Variants in SH3D19 observed in about 807,000 individuals in gnomAD.
The protein encoded by SH3D19 is SH3 domain-containing protein 19.
A neutral mutation model predicts 112.1 loss-of-function variants in SH3D19; 58 were observed. The observed-to-expected ratio is 0.52, with a 90% confidence interval of 0.42 to 0.64. The LOEUF (loss-of-function observed/expected upper bound fraction) is 0.64, where lower values mean the gene tolerates loss of function less well. Among genes scored for constraint, SH3D19 ranks in the 30% least tolerant of loss-of-function variants. The pLI is 0.00. For missense variants in SH3D19, 1,090 were observed against 1,263.4 expected, an observed-to-expected ratio of 0.86 and a Z score of 2.08; for synonymous variants, 391 against 448.5, an observed-to-expected ratio of 0.87 and a Z score of 1.62.
chr4:151,146,456 T>G (rs1463584673), intron 11 of SH3D19, among the ~76,000 whole-genome samples: 1 of 151,750 alleles, frequency 6.6e-6, no homozygotes, highest in Non-Finnish European at 1.5e-5. Context: ...CTGGCCTCCT[T>G]ATCATTTTTA....
Position 151,120,608 on chromosome 4 carries a change from G to C in SH3D19, c.*1483C>G, listed in dbSNP as rs1299054572. On this transcript the variant is annotated 3_prime_UTR_variant, in exon 20 of 20. Transcript: ENST00000604030. ...TTTATACTCTCTTCTTTACCAAAAC[G>C]TATTAGAAGTCCCCATAGTCCAAAA... 1.3e-5 allele frequency: 2 copies of C among 152,080 alleles called. No homozygotes were observed. Among genetic ancestry groups the C allele is most frequent in the Admixed American group, 6.6e-5 (1 of 15,260 alleles). 9.4% of individuals were successfully genotyped at this position (152,080 alleles called of 1,614,324 possible). A position where few individuals can be genotyped will look rare whatever the true frequency, so the allele number is the denominator to read the frequency against.
intron 1 of SH3D19, among the ~76,000 whole-genome samples, chr4:151,302,983 T>C (rs1199896264): frequency 1.3e-5 from 2 of 152,148 alleles, no homozygotes; most frequent in Non-Finnish European, 2.9e-5. Context: ...AACCTGCATG[T>C]TGTGCACATG....
At chr4:151,286,184 G>GAAAAAAAAAAAAAAAAAAAAA (rs56850648) in intron 1 of SH3D19, among the ~76,000 whole-genome samples, 1 of 86,622 alleles carries the variant, frequency 1.2e-5, no homozygotes, top group African/African-American at 4.7e-5. Flanking sequence ...CTGTCTTAAA[G>GAAAAAAAAAAAAAAAAAAAAA]AAAAAAAAAA....
At chr4:151,145,694 C>G (rs1234399822) in intron 11 of SH3D19, among the ~76,000 whole-genome samples, 3 of 152,180 alleles carry the variant, frequency 2.0e-5, no homozygotes, top group Non-Finnish European at 4.4e-5. Context: ...AAATCTGGTT[C>G]CCCTTGAGAA....
intron 3 of SH3D19, among the ~76,000 whole-genome samples, chr4:151,183,525 G>A (rs1761276174): frequency 6.6e-6 from 1 of 152,216 alleles, no homozygotes; most frequent in Non-Finnish European, 1.5e-5. Context: ...CCCTTTAGGA[G>A]CAAGGCTAGG....
intron 1 of SH3D19, among the ~76,000 whole-genome samples, chr4:151,250,452 T>C (rs1223233375): frequency 6.6e-6 from 1 of 152,070 alleles, no homozygotes; most frequent in Admixed American, 6.5e-5. Flanking sequence ...ATATATATTA[T>C]ATACAGACAT....
intron 1 of SH3D19, among the ~76,000 whole-genome samples, chr4:151,240,323 AT>A (rs1368692609): frequency 6.6e-6 from 1 of 151,824 alleles, no homozygotes; most frequent in Non-Finnish European, 1.5e-5. Context: ...AGGCAGGAGG[AT>A]CCCTTAAACC....
intron 1 of SH3D19, among the ~76,000 whole-genome samples, chr4:151,269,323 T>C (rs538381426): frequency 1.1e-4 from 17 of 152,300 alleles, no homozygotes; most frequent in African/African-American, 4.1e-4. Context: ...TTTGAGTTCA[T>C]TGTAGATTCT....
chr4:151,199,035 T>G (rs1427217114), intron 2 of SH3D19, among the ~76,000 whole-genome samples: 2 of 121,180 alleles, frequency 1.7e-5, no homozygotes, highest in African/African-American at 5.7e-5. Flanking sequence ...TTTTTTTTTT[T>G]GCAAAGCCAC....
At chr4:151,325,201 A>G in intron 1 of SH3D19, 40 bp downstream of exon 1, 1 of 1,116,660 alleles carries the variant, frequency 9.0e-7, no homozygotes, top group Non-Finnish European at 1.1e-6. Flanking sequence ...CAGAGCGCGC[A>G]GCTCTGGGTC....
At chr4:151,268,242 A>T (rs111436663) in intron 1 of SH3D19, among the ~76,000 whole-genome samples, 4,873 of 152,278 alleles carry the variant, frequency 0.032, 273 homozygotes, top group African/African-American at 0.11. Context: ...AACATAGAAA[A>T]GGTACAGTAA....
At chr4:151,279,859 G>A (rs201333059) in intron 1 of SH3D19, 34 of 1,551,120 alleles carry the variant, frequency 2.2e-5, no homozygotes, top group Non-Finnish European at 2.8e-5. Context: ...GCAGGGCGCT[G>A]GCCTTGGCAG....
At chr4:151,207,717 G>A (rs1765314588) in intron 2 of SH3D19, among the ~76,000 whole-genome samples, 1 of 152,198 alleles carries the variant, frequency 6.6e-6, no homozygotes, top group African/African-American at 2.4e-5. Context: ...ATGTATAAGA[G>A]CAAATACCGC....
intron 8 of SH3D19, among the ~76,000 whole-genome samples, chr4:151,161,634 A>ATT (rs1214618148): frequency 1.4e-5 from 2 of 141,918 alleles, no homozygotes; most frequent in East Asian, 2.2e-4. Flanking sequence ...ATATATATAT[A>ATT]TATATATTTT....
chr4:151,325,179 C>A, intron 1 of SH3D19, 62 bp downstream of exon 1: 1 of 949,524 alleles, frequency 1.1e-6, no homozygotes, highest in Non-Finnish European at 1.4e-6. Flanking sequence ...TGGGGCAGGA[C>A]CCGAGCGGCC....
At position 151,147,950 on chromosome 4, in the gene SH3D19, G is replaced by T; in HGVS notation, c.2054C>A (p.Pro685Gln). The change falls in exon 11 of 20, where the codon CCA (proline) becomes CAA (glutamine). Residue 685 changes from proline to glutamine, a missense_variant. Pro to Gln is a moderately conservative substitution (Grantham distance 76). Transcript: ENST00000604030. ...GTATTTACTGTAGAGAGGGTGTCCT[G>T]GTTTGGGACGAGGGGGTAGCACCGG... is the stretch of plus-strand genomic sequence containing the variant. Reference protein sequence around the residue: ...QDPVLPPRPKPGHPLYSKYMR... With the variant: ...QDPVLPPRPKQGHPLYSKYMR... 1 of 1,613,230 alleles carries T rather than the reference G, an allele frequency of 6.2e-7. No individual in the cohort carries two copies. The highest frequency in any genetic ancestry group is 1.1e-5 in the South Asian group (1 of 90,884).
intron 1 of SH3D19, among the ~76,000 whole-genome samples, chr4:151,283,948 G>A (rs1266701936): frequency 6.6e-6 from 1 of 152,054 alleles, no homozygotes; most frequent in Non-Finnish European, 1.5e-5. Context: ...TATTTGCATC[G>A]TCATTCCATG....
intron 19 of SH3D19, among the ~76,000 whole-genome samples, chr4:151,122,511 T>TCTCACACACA (rs1554028070): frequency 1.3e-5 from 2 of 148,520 alleles, no homozygotes; most frequent in Middle Eastern, 3.5e-3. Flanking sequence ...ATACCAGTTA[T>TCTCACACACA]CACACACACA....
At chr4:151,211,107 T>G (rs1278453026) in intron 2 of SH3D19, among the ~76,000 whole-genome samples, 1 of 152,096 alleles carries the variant, frequency 6.6e-6, no homozygotes, top group Non-Finnish European at 1.5e-5. Flanking sequence ...ACTATCTGTA[T>G]TAAAAATACA....
Sources: allele counts gnomAD v4.1 joint callset (sites outside exome capture counted in the v4.1 genomes callset), GRCh38; gene constraint gnomAD v4.1.1; transcripts MANE v1.5; gene names NCBI Gene and HGNC (gene_info 2026-07-23, HGNC 2026-07-21).